Variants in THSD7B observed in about 807,000 individuals in gnomAD.
The protein encoded by THSD7B is thrombospondin type-1 domain-containing protein 7B.
THSD7B carries 138 observed loss-of-function variants against 213.6 expected under a neutral mutation model. The ratio of observed to expected loss-of-function variants is 0.65; its 90% CI spans 0.56 to 0.74. THSD7B has a LOEUF of 0.74. THSD7B is among the 30% of genes least tolerant of loss of function. The pLI is 0.00. For missense variants in THSD7B, 1,931 were observed against 1,991.5 expected (o/e 0.97, Z 0.58); for synonymous variants, 742 against 687.0 (o/e 1.08, Z -1.25).
At chr2:136,998,483 G>A (rs1452700864) in intron 2 of THSD7B, among the ~76,000 whole-genome samples, 1 of 152,136 alleles carries the variant, frequency 6.6e-6, no homozygotes, top group African/African-American at 2.4e-5. Flanking sequence ...GGAGGAAGGG[G>A]TGGGCACTCC....
intron 17 of THSD7B, among the ~76,000 whole-genome samples, chr2:137,606,715 G>T (rs1682186392): frequency 6.6e-6 from 1 of 151,972 alleles, no homozygotes; most frequent in South Asian, 2.1e-4. Context: ...CGGCTACTTT[G>T]GCTCGACTTT....
chr2:136,912,394 A>C (rs1684278157), intron 2 of THSD7B, among the ~76,000 whole-genome samples: 1 of 150,674 alleles, frequency 6.6e-6, no homozygotes. Flanking sequence ...TGTGTGCGAG[A>C]CTCCCTCTCA....
chr2:137,243,404 A>G (rs1012267586), intron 10 of THSD7B, among the ~76,000 whole-genome samples: 1 of 152,232 alleles, frequency 6.6e-6, no homozygotes, highest in Non-Finnish European at 1.5e-5. Context: ...GAAAGACAGA[A>G]AGAATATTAC....
chr2:136,830,817 T>C (rs566950124), intron 1 of THSD7B, among the ~76,000 whole-genome samples: 2 of 152,324 alleles, frequency 1.3e-5, no homozygotes, highest in East Asian at 3.9e-4. Flanking sequence ...AAATTGCTTT[T>C]TGCTTAGTGC....
intron 10 of THSD7B, among the ~76,000 whole-genome samples, chr2:137,271,396 T>TC (rs1682731024): frequency 1.4e-5 from 2 of 144,062 alleles, no homozygotes; most frequent in African/African-American, 5.1e-5. Context: ...TATTATGAAT[T>TC]ATATATATAT....
intron 1 of THSD7B, among the ~76,000 whole-genome samples, chr2:136,772,520 T>C (rs931710029): frequency 3.3e-5 from 5 of 152,168 alleles, no homozygotes; most frequent in African/African-American, 7.2e-5. Context: ...ATCCACACCA[T>C]ATTTCTTTGT....
chr2:137,639,972 G>T (rs2104860134), intron 20 of THSD7B, among the ~76,000 whole-genome samples: 1 of 152,214 alleles, frequency 6.6e-6, no homozygotes, highest in South Asian at 2.1e-4. Context: ...TGGACTTTTG[G>T]GTTAATGCTG....
intron 14 of THSD7B, among the ~76,000 whole-genome samples, chr2:137,442,245 C>T (rs1358948923): frequency 6.6e-6 from 1 of 152,126 alleles, no homozygotes; most frequent in Non-Finnish European, 1.5e-5. Context: ...GTCACATCCT[C>T]ATTTGATTTG....
intron 2 of THSD7B, among the ~76,000 whole-genome samples, chr2:136,998,261 C>CAAAAAAAAAAAAAAAAAAAAAAAAGAAA (rs33931359): frequency 3.0e-5 from 3 of 98,410 alleles, no homozygotes; most frequent in Non-Finnish European, 6.4e-5. Context: ...ACTAAAAGGC[C>CAAAAAAAAAAAAAAAAAAAAAAAAGAAA]AAAAAAAAAA....
chr2:137,242,408 C>A (rs369096642), intron 9 of THSD7B, 49 bp from the exon 10 acceptor site: 5 of 1,436,306 alleles, frequency 3.5e-6, no homozygotes, highest in Non-Finnish European at 4.9e-6. Context: ...CTGCGTTCAA[C>A]GGCTTAGTCT....
At chr2:136,807,629 C>T (rs1293118103) in intron 1 of THSD7B, among the ~76,000 whole-genome samples, 2 of 151,190 alleles carry the variant, frequency 1.3e-5, no homozygotes, top group Admixed American at 6.6e-5. Context: ...GCCTCAGCCT[C>T]CCAAGTAGCT....
intron 15 of THSD7B, among the ~76,000 whole-genome samples, chr2:137,467,410 G>A (rs1371129627): frequency 6.6e-6 from 1 of 152,072 alleles, no homozygotes; most frequent in Non-Finnish European, 1.5e-5. Flanking sequence ...CATTGTGATT[G>A]AGTAGGTCTG....
At chr2:137,655,475 T>C in intron 21 of THSD7B, 26 bp from the exon 22 acceptor site, 2 of 1,592,606 alleles carry the variant, frequency 1.3e-6, no homozygotes, top group Non-Finnish European at 8.6e-7. Flanking sequence ...TTTGGGTAAT[T>C]GTGAAAGTAT....
chr2:137,160,219 G>C lies in THSD7B; in HGVS notation c.1376G>C (p.Arg459Thr). The C allele has an allele frequency of 6.2e-7, 1 of 1,612,994 alleles. No homozygotes were observed. The highest frequency in any genetic ancestry group is 8.5e-7 in the Non-Finnish European group (1 of 1,179,400). The change falls in exon 6 of 28, where the codon AGA (arginine) becomes ACA (threonine). Residue 459 changes from arginine to threonine, a missense_variant. Transcript: ENST00000409968. ...AAALRAKEVSRPVEKALCVGP... is the reference protein window; with the variant it reads ...AAALRAKEVSTPVEKALCVGP... ...TTATCTTTTTGTCCCTCAGTCTCTAGACCTGTGGAAAAGGCATTATGTGTG... is the reference window on the plus strand; with the variant it reads ...TTATCTTTTTGTCCCTCAGTCTCTACACCTGTGGAAAAGGCATTATGTGTG...
intron 12 of THSD7B, among the ~76,000 whole-genome samples, chr2:137,328,446 C>A (rs1337917316): frequency 6.6e-6 from 1 of 152,056 alleles, no homozygotes; most frequent in Non-Finnish European, 1.5e-5. Flanking sequence ...GATAATTATC[C>A]TTTTATTTTT....
intron 12 of THSD7B, among the ~76,000 whole-genome samples, chr2:137,393,186 T>A (rs1224902343): frequency 6.6e-6 from 1 of 150,912 alleles, no homozygotes; most frequent in East Asian, 2.0e-4. Flanking sequence ...ATACTTTAAG[T>A]TTTAGGGTAC....
chr2:137,317,216 C>A (rs935940494), intron 12 of THSD7B, among the ~76,000 whole-genome samples: 1 of 152,070 alleles, frequency 6.6e-6, no homozygotes, highest in Non-Finnish European at 1.5e-5. Context: ...ATTATCTGAT[C>A]TATTTTTATT....
chr2:137,072,416 G>T (rs974269781), intron 3 of THSD7B, among the ~76,000 whole-genome samples: 18 of 151,728 alleles, frequency 1.2e-4, no homozygotes, highest in Admixed American at 9.9e-4. Context: ...TCTGTTATTG[G>T]TGTATAAGAA....
At chr2:137,580,308 G>A (rs114273632) in intron 17 of THSD7B, among the ~76,000 whole-genome samples, 2,293 of 152,114 alleles carry the variant, frequency 0.015, 56 homozygotes, top group African/African-American at 0.052. Context: ...TATTAATGGG[G>A]TGTTTTCTTC....
Sources: gnomAD v4.1 joint callset for allele counts (sites outside exome capture counted in the v4.1 genomes callset) on GRCh38, gnomAD v4.1.1 for gene constraint, MANE v1.5 for transcripts, NCBI Gene and HGNC (gene_info 2026-07-23, HGNC 2026-07-21) for gene names.